Variants in GAS7 observed in about 807,000 individuals in gnomAD.
GAS7 encodes growth arrest specific 7, also known as growth arrest-specific protein 7.
Under a neutral mutation model 71.1 loss-of-function variants are expected in GAS7, and 28 were observed. That is an observed-to-expected ratio of 0.39 (90% CI 0.29 to 0.54). GAS7 has a LOEUF of 0.54. GAS7 is among the 20% of genes least tolerant of loss of function. The pLI, the probability that GAS7 is intolerant of heterozygous loss-of-function variation, is 0.62. For synonymous variants in GAS7, 258 were observed against 245.8 expected (o/e 1.05, Z -0.46); for missense variants, 436 against 627.8 (o/e 0.69, Z 3.27).
At chr17:10,117,091 A>T (rs1317267009) in intron 1 of GAS7, among the ~76,000 whole-genome samples, 2 of 152,172 alleles carry the variant, frequency 1.3e-5, no homozygotes, top group African/African-American at 2.4e-5. Context: ...GCTAAAGTCA[A>T]GATGTCTGCA....
At chr17:9,961,202 T>A (rs2069478098) in intron 4 of GAS7, among the ~76,000 whole-genome samples, 1 of 152,216 alleles carries the variant, frequency 6.6e-6, no homozygotes, top group Admixed American at 6.5e-5. Context: ...GTCAACTTTA[T>A]GGCCAACTAC....
At chr17:10,070,341 C>CTTTTTTTTTTTTTTTTT (rs71365713) in intron 1 of GAS7, among the ~76,000 whole-genome samples, 3 of 106,130 alleles carry the variant, frequency 2.8e-5, no homozygotes, top group Admixed American at 1.2e-4. Context: ...TCTCTCTCTT[C>CTTTTTTTTTTTTTTTTT]TTTTTTTTTT....
intron 1 of GAS7, among the ~76,000 whole-genome samples, chr17:10,146,234 G>A (rs192980132): frequency 2.5e-4 from 38 of 152,244 alleles, no homozygotes; most frequent in Non-Finnish European, 4.4e-4. Flanking sequence ...AATTGAAGGC[G>A]CAGATAAGAA....
At chr17:10,068,336 T>A (rs1369575349) in intron 1 of GAS7, among the ~76,000 whole-genome samples, 7 of 152,164 alleles carry the variant, frequency 4.6e-5, no homozygotes, top group Admixed American at 4.6e-4. Flanking sequence ...CTGACCCAGA[T>A]GAAGCCCTGG....
At chr17:10,152,634 A>G (rs915655335) in intron 1 of GAS7, among the ~76,000 whole-genome samples, 3 of 152,200 alleles carry the variant, frequency 2.0e-5, no homozygotes, top group African/African-American at 4.8e-5. Flanking sequence ...GCCATGTTAA[A>G]CATGACGGTG....
intron 1 of GAS7, among the ~76,000 whole-genome samples, chr17:10,055,667 A>C (rs571560323): frequency 6.6e-6 from 1 of 152,372 alleles, no homozygotes; most frequent in South Asian, 2.1e-4. Context: ...CAGTTTTCAA[A>C]CTTTATTTTC....
chr17:10,166,205 G>T (rs961263910), intron 1 of GAS7, among the ~76,000 whole-genome samples: 5 of 151,810 alleles, frequency 3.3e-5, no homozygotes, highest in African/African-American at 1.2e-4. Context: ...TTAATTTTTA[G>T]TAGAGACAGG....
chr17:10,015,033 T>C (rs1282142892), intron 2 of GAS7, among the ~76,000 whole-genome samples: 1 of 151,960 alleles, frequency 6.6e-6, no homozygotes, highest in Non-Finnish European at 1.5e-5. Context: ...CGCATGTCTG[T>C]AATCCCAGCT....
intron 1 of GAS7, among the ~76,000 whole-genome samples, chr17:10,138,634 G>A (rs1461199212): frequency 6.6e-6 from 1 of 151,986 alleles, no homozygotes; most frequent in African/African-American, 2.4e-5. Context: ...AGGCATGGTG[G>A]TGCACACCTG....
intron 1 of GAS7, among the ~76,000 whole-genome samples, chr17:10,149,859 T>C (rs889206221): frequency 2.6e-5 from 4 of 152,206 alleles, no homozygotes; most frequent in African/African-American, 9.6e-5. Context: ...CCAGATATCA[T>C]GTAACATTAT....
At chr17:10,148,618 A>C (rs1473548896) in intron 1 of GAS7, among the ~76,000 whole-genome samples, 3 of 147,342 alleles carry the variant, frequency 2.0e-5, no homozygotes, top group Admixed American at 2.0e-4. Flanking sequence ...ACTCAAGAAA[A>C]AAAAAAAAAA....
intron 1 of GAS7, among the ~76,000 whole-genome samples, chr17:10,133,122 A>ATATATATATTTTTT (rs1392845338): frequency 8.4e-6 from 1 of 118,888 alleles, no homozygotes; most frequent in African/African-American, 3.0e-5. Flanking sequence ...ATATTTTTAT[A>ATATATATATTTTTT]TTTTTTTTTT....
intron 5 of GAS7, among the ~76,000 whole-genome samples, chr17:9,949,462 C>T (rs544809330): frequency 6.6e-6 from 1 of 152,210 alleles, no homozygotes. Context: ...ATGGACCTCC[C>T]GTTGTGACCT....
intron 12 of GAS7, 123 bp from the exon 13 acceptor site, chr17:9,918,222 G>A: frequency 1.5e-6 from 1 of 661,092 alleles, no homozygotes; most frequent in Non-Finnish European, 2.7e-6. Flanking sequence ...ACTCTCTGGG[G>A]TCTGATGAAG....
chr17:10,019,943 AAG>A (rs1194625714), intron 1 of GAS7, 46 bp from the exon 2 acceptor site: 3 of 1,593,450 alleles, frequency 1.9e-6, no homozygotes, highest in African/African-American at 1.3e-5. Flanking sequence ...GCATTTTTGC[AAG>A]AGTTTTTAAA....
At chr17:10,179,551 G>A (rs1161134805) in intron 1 of GAS7, among the ~76,000 whole-genome samples, 1 of 152,092 alleles carries the variant, frequency 6.6e-6, no homozygotes, top group African/African-American at 2.4e-5. Context: ...CACATGCAGG[G>A]AGGATCTGGA....
intron 1 of GAS7, among the ~76,000 whole-genome samples, chr17:10,079,897 G>C (rs970768866): frequency 1.3e-5 from 2 of 152,220 alleles, no homozygotes; most frequent in African/African-American, 4.8e-5. Context: ...CTATAAGTGA[G>C]CTATGAGTAA....
intron 5 of GAS7, among the ~76,000 whole-genome samples, chr17:9,957,381 C>G (rs1046357067): frequency 2.0e-5 from 3 of 152,198 alleles, no homozygotes; most frequent in African/African-American, 7.2e-5. Flanking sequence ...AGGGGCCCAA[C>G]AAGGGCCGCC....
chr17:9,971,960 G>A (rs1006989009), intron 3 of GAS7, among the ~76,000 whole-genome samples: 1 of 152,180 alleles, frequency 6.6e-6, no homozygotes, highest in African/African-American at 2.4e-5. Context: ...ACCACTTGCA[G>A]TGAACACTCC....
Sources: gnomAD v4.1 joint callset for allele counts (sites outside exome capture counted in the v4.1 genomes callset) on GRCh38, gnomAD v4.1.1 for gene constraint, MANE v1.5 for transcripts, NCBI Gene and HGNC (gene_info 2026-07-23, HGNC 2026-07-21) for gene names.